The following SLC8A3 variants were observed in gnomAD, a reference collection of about 807,000 sequenced individuals.
The protein encoded by SLC8A3 is solute carrier family 8 member A3, also known as sodium/calcium exchanger 3.
A neutral mutation model predicts 65.4 loss-of-function variants in SLC8A3; 37 were observed. That is an observed-to-expected ratio of 0.57 (90% CI 0.44 to 0.74). The LOEUF (loss-of-function observed/expected upper bound fraction) is 0.74. Ranked by LOEUF, SLC8A3 falls within the 30% of genes least tolerant of loss-of-function variation. SLC8A3 has a pLI of 0.00. For missense variants in SLC8A3, 1,112 were observed against 1,172.1 expected, an observed-to-expected ratio of 0.95 and a Z score of 0.75; for synonymous variants, 461 against 444.5, an observed-to-expected ratio of 1.04 and a Z score of -0.47.
intron 1 of SLC8A3, among the ~76,000 whole-genome samples, chr14:70,187,775 C>T (rs1669867059): frequency 6.6e-6 from 1 of 152,138 alleles, no homozygotes; most frequent in Non-Finnish European, 1.5e-5. Flanking sequence ...TCTCCCTCGC[C>T]CCCTTGGCCC....
intron 3 of SLC8A3, among the ~76,000 whole-genome samples, chr14:70,056,008 G>T (rs750989319): frequency 2.0e-5 from 3 of 152,188 alleles, no homozygotes; most frequent in Non-Finnish European, 4.4e-5. Flanking sequence ...AGAGGTGTGA[G>T]CAGCCGGAGA....
At chr14:70,160,266 G>T (rs1896807795) in intron 2 of SLC8A3, among the ~76,000 whole-genome samples, 1 of 152,198 alleles carries the variant, frequency 6.6e-6, no homozygotes, top group South Asian at 2.1e-4. Context: ...CCAACATGGT[G>T]AAACTCTGTC....
chr14:70,144,112 C>T (rs575297271), intron 2 of SLC8A3, among the ~76,000 whole-genome samples: 103 of 152,174 alleles, frequency 6.8e-4, no homozygotes, highest in African/African-American at 2.4e-3. Context: ...CCATACCCCG[C>T]TGTGGGGGCA....
chr14:70,060,895 C>T lies in SLC8A3; in HGVS notation c.1829G>A (p.Arg610Lys). Residue 610 changes from arginine (R) to lysine (K), a missense_variant, in exon 3 of 7, where the codon AGG becomes AAG. By Grantham distance (26) the Arg-to-Lys change is conservative. Coordinates refer to ENST00000356921, the MANE Select transcript of SLC8A3 (RefSeq NM_182932.3). ...AAGGGCAATGAAGAAATTCTCTTGCCTTTCGTATTCCTCCTCATCTACTAT... is the reference window on the plus strand; with the variant it reads ...AAGGGCAATGAAGAAATTCTCTTGCTTTTCGTATTCCTCCTCATCTACTAT... Reference protein sequence around the residue: ...VKIVDEEEYERQENFFIALGE... With the variant: ...VKIVDEEEYEKQENFFIALGE... 6.5e-7 allele frequency: 1 copy of T among 1,526,876 alleles called. No homozygotes were observed. Among genetic ancestry groups the T allele is most frequent in the Non-Finnish European group, 8.8e-7 (1 of 1,140,862 alleles). The allele number at this position is 1,526,876 out of a possible 1,614,324, so 94.6% of individuals were successfully genotyped here. A position where few individuals can be genotyped will look rare whatever the true frequency, so the allele number is the denominator to read the frequency against.
chr14:70,179,246 C>T (rs574564367), intron 1 of SLC8A3, among the ~76,000 whole-genome samples: 34 of 152,314 alleles, frequency 2.2e-4, no homozygotes, highest in African/African-American at 8.2e-4. Context: ...CCCTCCAGTA[C>T]TCTCTTGTAA....
intron 1 of SLC8A3, among the ~76,000 whole-genome samples, chr14:70,175,151 G>T (rs1897824137): frequency 6.6e-6 from 1 of 152,074 alleles, no homozygotes; most frequent in African/African-American, 2.4e-5. Flanking sequence ...GCATCAGCAG[G>T]CCTCCGTCTC....
chr14:70,048,988 T>G lies in SLC8A3; in HGVS notation c.2168A>C (p.Asp723Ala). The G allele has an allele frequency of 3.1e-6, 5 of 1,614,136 alleles. No individual in the cohort carries two copies. Among genetic ancestry groups the G allele is most frequent in the Non-Finnish European group, 4.2e-6 (5 of 1,180,000 alleles). Residue 723 changes from aspartate to alanine, a missense_variant, in exon 6 of 7, where the codon GAC becomes GCC. By Grantham distance (126) the Asp-to-Ala change is moderately radical. Coordinates refer to ENST00000356921, the MANE Select transcript of SLC8A3 (RefSeq NM_182932.3). ...SGEERLPSCF[D>A]YVMHFLTVFW... ...GACAGTCAGGAAGTGCATGACGTAG[T>G]CAAAGCAGGAGGGCAGCCTCTCCTC...
At chr14:70,164,436 G>T (rs1897053684) in intron 2 of SLC8A3, among the ~76,000 whole-genome samples, 1 of 152,144 alleles carries the variant, frequency 6.6e-6, no homozygotes, top group African/African-American at 2.4e-5. Flanking sequence ...TGGGAACATA[G>T]ATTTGTTCAC....
chr14:70,157,410 T>G (rs1050464991), intron 2 of SLC8A3, among the ~76,000 whole-genome samples: 1 of 152,102 alleles, frequency 6.6e-6, no homozygotes, highest in Non-Finnish European at 1.5e-5. Flanking sequence ...AGGGGGCACT[T>G]GACACAGGGC....
At chr14:70,109,882 C>A (rs954266737) in intron 2 of SLC8A3, among the ~76,000 whole-genome samples, 4 of 152,162 alleles carry the variant, frequency 2.6e-5, no homozygotes, top group Admixed American at 2.6e-4. Flanking sequence ...ATCCACTATA[C>A]TTTTTGACAA....
chr14:70,137,666 A>G (rs1895293758), intron 2 of SLC8A3, among the ~76,000 whole-genome samples: 1 of 152,004 alleles, frequency 6.6e-6, no homozygotes, highest in Non-Finnish European at 1.5e-5. Flanking sequence ...TGCTCAGAGG[A>G]GGATGAGTTT....
chr14:70,068,466 C>T lies in SLC8A3; in HGVS notation c.1785-7527G>A, dbSNP rs377554772. Among the ~76,000 whole-genome samples the T allele has an allele frequency of 1.8e-3, 274 of 151,996 alleles. 9 individuals carry two copies. Among genetic ancestry groups the T allele is most frequent in the South Asian group, 7.9e-3 (38 of 4,822 alleles). ...TGATCATGACTCACTGCAGCCTCAA[C>T]TCCTGTGCTCAGGCCGTCCTCCTGC... On this transcript the variant is annotated intron_variant, in intron 2 of 6. Transcript: ENST00000356921.
chr14:70,117,059 G>A (rs1893718850), intron 2 of SLC8A3, among the ~76,000 whole-genome samples: 1 of 152,218 alleles, frequency 6.6e-6, no homozygotes, highest in Non-Finnish European at 1.5e-5. Context: ...TTCTCCAGGG[G>A]ATCCCTGCCT....
At chr14:70,088,268 C>G (rs922889591) in intron 2 of SLC8A3, among the ~76,000 whole-genome samples, 3 of 152,184 alleles carry the variant, frequency 2.0e-5, no homozygotes, top group Admixed American at 2.0e-4. Context: ...ACTAACAAAG[C>G]CCCTTATCTA....
At chr14:70,087,930 C>G (rs1891550340) in intron 2 of SLC8A3, among the ~76,000 whole-genome samples, 1 of 152,026 alleles carries the variant, frequency 6.6e-6, no homozygotes, top group South Asian at 2.1e-4. Flanking sequence ...CTCTGTCCAC[C>G]AAGAGATTGA....
intron 2 of SLC8A3, among the ~76,000 whole-genome samples, chr14:70,117,891 A>C (rs911227420): frequency 4.6e-5 from 7 of 151,988 alleles, no homozygotes; most frequent in African/African-American, 1.7e-4. Context: ...ATAATCCTAA[A>C]CCTGCTTACT....
intron 2 of SLC8A3, among the ~76,000 whole-genome samples, chr14:70,161,894 A>C (rs1896915053): frequency 6.6e-6 from 1 of 152,232 alleles, no homozygotes; most frequent in Non-Finnish European, 1.5e-5. Flanking sequence ...CTGGAAGGGA[A>C]TGGTCTGCAT....
At chr14:70,106,609 T>C (rs1021710513) in intron 2 of SLC8A3, among the ~76,000 whole-genome samples, 3 of 152,108 alleles carry the variant, frequency 2.0e-5, no homozygotes, top group Admixed American at 1.3e-4. Flanking sequence ...GGATAGAGCC[T>C]TATGTGCCTA....
At chr14:70,105,674 A>G (rs948898732) in intron 2 of SLC8A3, among the ~76,000 whole-genome samples, 2 of 152,214 alleles carry the variant, frequency 1.3e-5, no homozygotes, top group African/African-American at 4.8e-5. Context: ...TGAAACAAAT[A>G]ATTTCAACGT....
Sources: gnomAD v4.1 joint callset for allele counts (sites outside exome capture counted in the v4.1 genomes callset) on GRCh38, gnomAD v4.1.1 for gene constraint, MANE v1.5 for transcripts, NCBI Gene and HGNC (gene_info 2026-07-23, HGNC 2026-07-21) for gene names.